BABAM2: variants seen among roughly 807,000 people sequenced by gnomAD.
BABAM2 encodes BRISC and BRCA1 A complex member 2, also known as BRISC and BRCA1-A complex member 2.
Under a neutral mutation model 54.7 loss-of-function variants are expected in BABAM2, and 31 were observed. The ratio of observed to expected loss-of-function variants is 0.57; its 90% CI spans 0.43 to 0.77. The LOEUF is 0.77. Among genes scored for constraint, BABAM2 ranks in the 30% least tolerant of loss-of-function variants. The pLI is 0.00. For synonymous variants in BABAM2, 167 were observed against 162.9 expected (o/e 1.03, Z -0.19); for missense variants, 364 against 455.8 (o/e 0.80, Z 1.83).
chr2:28,207,158 C>A (rs1018918169), intron 7 of BABAM2, among the ~76,000 whole-genome samples: 5 of 152,068 alleles, frequency 3.3e-5, no homozygotes, highest in African/African-American at 1.2e-4. Flanking sequence ...TCTTAGAAAA[C>A]AAAACTGCTG....
chr2:27,954,543 T>C (rs1669954772), intron 3 of BABAM2, among the ~76,000 whole-genome samples: 1 of 152,138 alleles, frequency 6.6e-6, no homozygotes, highest in African/African-American at 2.4e-5. Context: ...TTCTTAAGGG[T>C]CAAAATTAGT....
chr2:28,017,146 T>C (rs1489393886), intron 4 of BABAM2, among the ~76,000 whole-genome samples: 1 of 152,240 alleles, frequency 6.6e-6, no homozygotes, highest in African/African-American at 2.4e-5. Flanking sequence ...AATGATTTCA[T>C]TTCAATTGTT....
At chr2:28,162,672 T>G (rs1307555750) in intron 7 of BABAM2, among the ~76,000 whole-genome samples, 1 of 152,210 alleles carries the variant, frequency 6.6e-6, no homozygotes, top group Non-Finnish European at 1.5e-5. Context: ...AGAGCAGTGT[T>G]AGTTGAACAT....
At chr2:28,295,040 T>A (rs1326337549) in intron 10 of BABAM2, among the ~76,000 whole-genome samples, 4 of 152,212 alleles carry the variant, frequency 2.6e-5, no homozygotes, top group African/African-American at 7.2e-5. Flanking sequence ...TCAGAACAAC[T>A]CACTTGCCCA....
chr2:27,928,769 A>G (rs945111651), intron 2 of BABAM2, among the ~76,000 whole-genome samples: 1 of 152,168 alleles, frequency 6.6e-6, no homozygotes, highest in African/African-American at 2.4e-5. Context: ...TACTTTCTCA[A>G]TTGACTTCAT....
chr2:27,900,397 A>G (rs1249475313), intron 2 of BABAM2, among the ~76,000 whole-genome samples: 3 of 151,076 alleles, frequency 2.0e-5, no homozygotes, highest in Admixed American at 6.6e-5. Context: ...AGCAATTCAT[A>G]TATATTTCTC....
At chr2:28,005,577 A>G (rs969539554) in intron 4 of BABAM2, among the ~76,000 whole-genome samples, 4 of 152,170 alleles carry the variant, frequency 2.6e-5, no homozygotes, top group South Asian at 2.1e-4. Flanking sequence ...GCCAGATTAA[A>G]CAATTAAGAT....
intron 6 of BABAM2, among the ~76,000 whole-genome samples, chr2:28,111,751 C>T (rs1238679685): frequency 6.6e-6 from 1 of 151,928 alleles, no homozygotes; most frequent in East Asian, 1.9e-4. Context: ...ATACAAATAA[C>T]CTAGGAATTT....
chr2:28,271,963 T>G (rs1685461736), intron 10 of BABAM2, among the ~76,000 whole-genome samples: 1 of 152,234 alleles, frequency 6.6e-6, no homozygotes, highest in African/African-American at 2.4e-5. Flanking sequence ...GCATTAACTT[T>G]CAGTTGGCAT....
intron 6 of BABAM2, among the ~76,000 whole-genome samples, chr2:28,097,749 A>C (rs993684238): frequency 6.6e-6 from 1 of 152,030 alleles, no homozygotes; most frequent in Non-Finnish European, 1.5e-5. Flanking sequence ...TGAATATGCT[A>C]TTCTGTTTTC....
rs188737389 is a variant in BABAM2, at chr2:28,025,127, T to G, written c.301-99T>G. The G allele has an allele frequency of 2.1e-5, 23 of 1,105,276 alleles. No individual in the cohort carries two copies. In the African/African-American group the frequency reaches 2.4e-4, roughly 11 times the overall value. 68.5% of individuals were successfully genotyped at this position (1,105,276 alleles called of 1,614,324 possible). A position where few individuals can be genotyped will look rare whatever the true frequency, so the allele number is the denominator to read the frequency against. On this transcript the variant is annotated intron_variant, in intron 4 of 11. Transcript: ENST00000379624. Reference sequence around the variant, plus strand: ...AGGAGTAGTCTGTTCCTCTTAGATTTCTATTACTCTTTTCCTCTACATTGA... The same window carrying G: ...AGGAGTAGTCTGTTCCTCTTAGATTGCTATTACTCTTTTCCTCTACATTGA...
chr2:28,037,173 G>T (rs1414517319), intron 5 of BABAM2, among the ~76,000 whole-genome samples: 1 of 151,888 alleles, frequency 6.6e-6, no homozygotes, highest in African/African-American at 2.4e-5. Flanking sequence ...TTTGTCCTTT[G>T]TCCACCCAAA....
intron 10 of BABAM2, among the ~76,000 whole-genome samples, chr2:28,294,358 C>T (rs1445824695): frequency 2.0e-5 from 3 of 147,566 alleles, no homozygotes; most frequent in African/African-American, 5.0e-5. Context: ...CCAGCCTGGG[C>T]GACACAGTGA....
rs1678753825 is a variant in BABAM2 at position 28,060,283 on chromosome 2, T to G, written c.570+14484T>G. 3.3e-5 allele frequency among the ~76,000 whole-genome samples: 5 copies of G among 152,232 alleles called. No homozygotes were observed. In the South Asian group the frequency reaches 1.0e-3, roughly 32 times the overall value. On this transcript the variant is annotated intron_variant, in intron 6 of 11. Transcript: ENST00000379624. ...TCTCAATAGACATAGAAAAAACATT[T>G]GACAAAATTGAGCATATATTCCTGA...
chr2:28,174,660 C>G (rs1558406198), intron 7 of BABAM2, among the ~76,000 whole-genome samples: 2 of 152,206 alleles, frequency 1.3e-5, no homozygotes, highest in East Asian at 3.9e-4. Context: ...CCTCTTGACC[C>G]TCAGAGGCTC....
At chr2:27,899,776 C>CT (rs1247162621) in intron 2 of BABAM2, among the ~76,000 whole-genome samples, 6 of 151,996 alleles carry the variant, frequency 3.9e-5, no homozygotes, top group African/African-American at 1.5e-4. Flanking sequence ...CTAGTCCTAG[C>CT]TTTTTCTGGA....
chr2:28,117,671 A>G (rs544847440), intron 6 of BABAM2, among the ~76,000 whole-genome samples: 1 of 152,262 alleles, frequency 6.6e-6, no homozygotes, highest in East Asian at 1.9e-4. Context: ...ATCTGCAGAG[A>G]CTGGCCTACA....
chr2:27,897,362 A>G (rs2148266115), intron 2 of BABAM2, among the ~76,000 whole-genome samples: 1 of 152,296 alleles, frequency 6.6e-6, no homozygotes, highest in East Asian at 1.9e-4. Context: ...CTTCTTTGGA[A>G]TAGTAGGATG....
chr2:27,903,070 G>C (rs746408353), intron 2 of BABAM2, among the ~76,000 whole-genome samples: 4 of 152,070 alleles, frequency 2.6e-5, no homozygotes, highest in Non-Finnish European at 4.4e-5. Context: ...AATATGGAGT[G>C]AGATAGAGAT....
Sources: allele counts gnomAD v4.1 joint callset (sites outside exome capture counted in the v4.1 genomes callset), GRCh38; gene constraint gnomAD v4.1.1; transcripts MANE v1.5; gene names NCBI Gene and HGNC (gene_info 2026-07-23, HGNC 2026-07-21).